The following SLC7A2 variants were observed in gnomAD, a reference collection of about 807,000 sequenced individuals.
SLC7A2 encodes the protein cationic amino acid transporter 2.
In SLC7A2, 48 loss-of-function variants were observed where a neutral mutation model predicts 58.9. That is an observed-to-expected ratio of 0.82 (90% CI 0.65 to 1.04). SLC7A2 has a LOEUF of 1.04. Ranked by LOEUF, SLC7A2 falls within the 50% of genes least tolerant of loss-of-function variation. The pLI, the probability that SLC7A2 is intolerant of heterozygous loss-of-function variation, is 0.00. For missense variants in SLC7A2, 1,029 were observed against 818.8 expected (o/e 1.26, Z -3.13); for synonymous variants, 363 against 314.5 (o/e 1.15, Z -1.63).
chr8:17,496,144 T>C (rs898646794), upstream of SLC7A2, among the ~76,000 whole-genome samples: 4 of 152,164 alleles, frequency 2.6e-5, no homozygotes, highest in African/African-American at 9.7e-5. Context: ...AAAATAGTAA[T>C]AGGCCGGGCA....
At chr8:17,494,485 C>T (rs116921009), upstream of SLC7A2, among the ~76,000 whole-genome samples, 5 of 152,094 alleles carry the variant, frequency 3.3e-5, no homozygotes, top group South Asian at 2.1e-4. Flanking sequence ...AACCAGGGAG[C>T]GTGAAATAGA....
At chr8:17,537,453 C>T (rs1300771844) in intron 2 of SLC7A2, among the ~76,000 whole-genome samples, 4 of 152,160 alleles carry the variant, frequency 2.6e-5, no homozygotes, top group Non-Finnish European at 2.9e-5. Context: ...TTTGACCGAC[C>T]TAATCATTTT....
chr8:17,497,602 C>G (rs1800004617), intron 1 of SLC7A2, among the ~76,000 whole-genome samples: 2 of 152,204 alleles, frequency 1.3e-5, no homozygotes, highest in Non-Finnish European at 2.9e-5. Flanking sequence ...ACCCTTCAGT[C>G]ACTATTTCCA....
In SLC7A2 at chr8:17,563,649, T is replaced by C. The variant is rs768381661; in HGVS notation, c.1718T>C (p.Ile573Thr). 8.1e-6 allele frequency: 13 copies of C among 1,613,806 alleles called. No individual in the cohort carries two copies. The highest frequency in any genetic ancestry group is 1.1e-5 in the Non-Finnish European group (13 of 1,179,768). ...FLPAFSILVN[I>T]YLMVQLSADT... ...CCAGCGTTCAGCATCTTGGTGAACA[T>C]TTACTTGATGGTCCAGTTAAGTGCA... The change falls in exon 12 of 13, where the codon ATT becomes ACT. Residue 573 changes from isoleucine to threonine, a missense_variant. Physicochemically the swap from Ile to Thr is moderately conservative, Grantham distance 89. Coordinates refer to ENST00000494857, the MANE Select transcript of SLC7A2 (RefSeq NM_001370338.1).
intron 2 of SLC7A2, among the ~76,000 whole-genome samples, chr8:17,502,583 C>G (rs1800204436): frequency 6.6e-6 from 1 of 152,178 alleles, no homozygotes. Context: ...ATCACTGATT[C>G]ACTTTCCAGG....
chr8:17,505,832 G>A (rs1800343247), intron 2 of SLC7A2, among the ~76,000 whole-genome samples: 1 of 152,178 alleles, frequency 6.6e-6, no homozygotes, highest in African/African-American at 2.4e-5. Context: ...TTACAGTTGA[G>A]TAGAACTGAA....
intron 7 of SLC7A2, 121 bp downstream of exon 7, chr8:17,552,107 T>C: frequency 2.9e-6 from 2 of 690,088 alleles, no homozygotes; most frequent in Non-Finnish European, 5.0e-6. Context: ...TATGCAACTT[T>C]GTATTTATTG....
intron 5 of SLC7A2, among the ~76,000 whole-genome samples, chr8:17,549,767 T>C (rs979777270): frequency 6.6e-6 from 1 of 152,172 alleles, no homozygotes; most frequent in African/African-American, 2.4e-5. Context: ...AGGGAAAAAA[T>C]TGGTATCCTA....
chr8:17,498,264 T>C (rs1310742904), intron 1 of SLC7A2, among the ~76,000 whole-genome samples: 1 of 152,236 alleles, frequency 6.6e-6, no homozygotes, highest in African/African-American at 2.4e-5. Flanking sequence ...AAGAGCTCTC[T>C]GAATCCCATC....
At chr8:17,552,931 T>C (rs1802519306) in intron 7 of SLC7A2, among the ~76,000 whole-genome samples, 1 of 152,194 alleles carries the variant, frequency 6.6e-6, no homozygotes, top group Non-Finnish European at 1.5e-5. Flanking sequence ...GAAAAAGAAG[T>C]CTTTTAGTGT....
At chr8:17,528,100 T>C (rs1201413355) in intron 2 of SLC7A2, among the ~76,000 whole-genome samples, 3 of 152,050 alleles carry the variant, frequency 2.0e-5, no homozygotes, top group Non-Finnish European at 2.9e-5. Context: ...AGATGCTTAG[T>C]GTTCTGAGGA....
At chr8:17,562,263 C>T (rs1202912118) in intron 11 of SLC7A2, among the ~76,000 whole-genome samples, 153 bp downstream of exon 11, 4 of 132,640 alleles carry the variant, frequency 3.0e-5, no homozygotes, top group Non-Finnish European at 4.6e-5. Context: ...TGCAATGGAG[C>T]GAAGTGATCT....
chr8:17,566,323 A>C lies in SLC7A2; in HGVS notation c.*1177A>C, dbSNP rs1803261901. ...GAGGGAAAGATGAAGGGATAGAAGAAGAGAAAATCCCCCTGTTCTGATAGG... is the reference window on the plus strand; with the variant it reads ...GAGGGAAAGATGAAGGGATAGAAGACGAGAAAATCCCCCTGTTCTGATAGG... On this transcript the variant is annotated 3_prime_UTR_variant, in exon 13 of 13. Coordinates refer to ENST00000494857, the MANE Select transcript of SLC7A2 (RefSeq NM_001370338.1). 1 of 152,246 alleles carries C rather than the reference A, an allele frequency of 6.6e-6. No individual in the cohort carries two copies. The highest frequency in any genetic ancestry group is 1.5e-5 in the Non-Finnish European group (1 of 68,048). The allele number at this position is 152,246 out of a possible 1,614,324, so 9.4% of individuals were successfully genotyped here.
At chr8:17,511,964 T>C (rs1800621387) in intron 2 of SLC7A2, among the ~76,000 whole-genome samples, 1 of 152,162 alleles carries the variant, frequency 6.6e-6, no homozygotes, top group Non-Finnish European at 1.5e-5. Context: ...AATAATCTCA[T>C]TTGGAAATCT....
chr8:17,516,272 C>T (rs900047794), intron 2 of SLC7A2, among the ~76,000 whole-genome samples: 82 of 151,888 alleles, frequency 5.4e-4, no homozygotes, highest in African/African-American at 1.9e-3. Context: ...GTCGCCCAGG[C>T]TGGAGTGCAG....
intron 7 of SLC7A2, among the ~76,000 whole-genome samples, chr8:17,553,902 A>T (rs1365807714): frequency 6.6e-6 from 1 of 152,222 alleles, no homozygotes; most frequent in Non-Finnish European, 1.5e-5. Context: ...AGTACTTCCG[A>T]ACATCTCAAG....
Position 17,504,792 on chromosome 8 carries a change from T to C in SLC7A2, c.-23+2490T>C, listed in dbSNP as rs113441535. 4.1e-3 allele frequency among the ~76,000 whole-genome samples: 619 copies of C among 152,286 alleles called. 5 individuals carry two copies. Among genetic ancestry groups the C allele is most frequent in the African/African-American group, 0.014 (596 of 41,558 alleles). ...ACTCTTAAAAGATTGAGTAACTGACTCAAACAGGAGAACTAAAGAAATTCA... is the reference window on the plus strand; with the variant it reads ...ACTCTTAAAAGATTGAGTAACTGACCCAAACAGGAGAACTAAAGAAATTCA... On this transcript the variant is annotated intron_variant, in intron 2 of 12. Transcript: ENST00000494857.
chr8:17,514,133 C>T (rs926979002), intron 2 of SLC7A2, among the ~76,000 whole-genome samples: 1 of 152,098 alleles, frequency 6.6e-6, no homozygotes, highest in African/African-American at 2.4e-5. Context: ...GCTTCCTTGA[C>T]CCCACAGAGT....
chr8:17,550,477 G>A, intron 6 of SLC7A2, 43 bp downstream of exon 6: 4 of 1,585,878 alleles, frequency 2.5e-6, no homozygotes, highest in Non-Finnish European at 3.4e-6. Flanking sequence ...AGTGTTCCTT[G>A]TTGTGCACGA....
Sources: gnomAD v4.1 joint callset for allele counts (sites outside exome capture counted in the v4.1 genomes callset) on GRCh38, gnomAD v4.1.1 for gene constraint, MANE v1.5 for transcripts, NCBI Gene and HGNC (gene_info 2026-07-23, HGNC 2026-07-21) for gene names.